Variants in BAIAP2 observed in about 807,000 individuals in gnomAD.
The protein encoded by BAIAP2 is BAR/IMD domain-containing adapter protein 2.
Under a neutral mutation model 63.0 loss-of-function variants are expected in BAIAP2, and 18 were observed. That is an observed-to-expected ratio of 0.29 (90% confidence interval 0.20 to 0.42). BAIAP2 has a LOEUF of 0.42. Ranked by LOEUF, BAIAP2 falls within the 10% of genes least tolerant of loss-of-function variation. The pLI is 1.00. For missense variants in BAIAP2, 610 were observed against 734.3 expected (o/e 0.83, Z 1.96); for synonymous variants, 386 against 307.6 (o/e 1.25, Z -2.67).
chr17:81,106,502 CA>C (rs144577290), intron 11 of BAIAP2, among the ~76,000 whole-genome samples: 1,700 of 152,286 alleles, frequency 0.011, 30 homozygotes, highest in African/African-American at 0.039. Flanking sequence ...CTGGGAGGGT[CA>C]GGGGTTGCTG....
chr17:81,097,784 C>G (rs903784842), intron 6 of BAIAP2: 2 of 238,918 alleles, frequency 8.4e-6, no homozygotes, highest in Non-Finnish European at 1.6e-5. Context: ...GCTGAAGCAG[C>G]TAGCCTCCTG....
rs1302680577 is a variant in BAIAP2, at chr17:81,107,000, G to A, written c.1500+93G>A. On this transcript the variant is annotated intron_variant, in intron 12 of 13. Coordinates refer to ENST00000428708, the MANE Select transcript of BAIAP2 (RefSeq NM_001144888.2). ...CGTTGGAGCCTCCGCTGAGGGGCGG[G>A]GCGCCTGGGGGTCTGGGTCTTTGGA... 8.6e-6 allele frequency: 12 copies of A among 1,388,936 alleles called. No homozygotes were observed. The Admixed American group carries it at 2.9e-4, about 33-fold the overall frequency. 86.0% of individuals were successfully genotyped at this position (1,388,936 alleles called of 1,614,324 possible).
Position 81,048,935 on chromosome 17 carries a change from G to A in BAIAP2, c.55-4733G>A, listed in dbSNP as rs138098297. On this transcript the variant is annotated intron_variant, in intron 1 of 13. Coordinates refer to ENST00000428708, the MANE Select transcript of BAIAP2 (RefSeq NM_001144888.2). ...CCTATGAGGGGAAGCCTTCCATGGC[G>A]TGTGTGGGAGCCCCTCGTGGGCCGG... 2.3e-3 allele frequency among the ~76,000 whole-genome samples: 354 copies of A among 152,332 alleles called. 1 individual carries two copies. The highest frequency in any genetic ancestry group is 7.8e-3 in the African/African-American group (325 of 41,570).
intron 1 of BAIAP2, among the ~76,000 whole-genome samples, chr17:81,037,743 G>A (rs565173011): frequency 2.6e-5 from 4 of 152,368 alleles, no homozygotes; most frequent in Admixed American, 2.0e-4. Context: ...AGTGTCACCC[G>A]CGATGCGGCT....
intron 1 of BAIAP2, among the ~76,000 whole-genome samples, chr17:81,039,114 C>T (rs1282096105): frequency 6.6e-6 from 1 of 152,272 alleles, no homozygotes; most frequent in Non-Finnish European, 1.5e-5. Flanking sequence ...CCTGCATTTT[C>T]TCTACATGTG....
intron 6 of BAIAP2, among the ~76,000 whole-genome samples, chr17:81,093,078 CCTGGGCTGGG>C (rs6146169): frequency 0.033 from 4,915 of 147,470 alleles, 191 homozygotes; most frequent in African/African-American, 0.09. Flanking sequence ...CCACCCACTC[CCTGGGCTGGG>C]CTGGGCTGGG....
chr17:81,050,394 C>G (rs1157601087), intron 1 of BAIAP2, among the ~76,000 whole-genome samples: 2 of 152,220 alleles, frequency 1.3e-5, no homozygotes, highest in Non-Finnish European at 2.9e-5. Context: ...CGTGTGAGCT[C>G]AGCTGCTGCA....
In BAIAP2 at chr17:81,066,507, C is replaced by T. The variant is rs959673198; in HGVS notation, c.217+8540C>T. ...CACCTGGGAGAGCTGGGGCCTGGGG[C>T]CCCCACAGGTCAGGTGGTGCCCCTC... On this transcript the variant is annotated intron_variant, in intron 3 of 13. Transcript: ENST00000428708. Among the ~76,000 whole-genome samples, 8 of 152,314 alleles carry T rather than the reference C, an allele frequency of 5.3e-5. No homozygotes were observed. The South Asian group carries it at 1.7e-3, about 32-fold the overall frequency.
At chr17:81,091,873 C>A (rs2056833263) in intron 6 of BAIAP2, among the ~76,000 whole-genome samples, 1 of 152,218 alleles carries the variant, frequency 6.6e-6, no homozygotes, top group African/African-American at 2.4e-5. Flanking sequence ...CCTGCATGTC[C>A]CTCACCTGGC....
chr17:81,084,551 C>T (rs1347975185), intron 3 of BAIAP2, among the ~76,000 whole-genome samples: 1 of 152,228 alleles, frequency 6.6e-6, no homozygotes, highest in African/African-American at 2.4e-5. Context: ...GTGAAGCACA[C>T]ACGGGCTCTT....
chr17:81,035,310 T>G lies in BAIAP2; in HGVS notation c.54+2T>G. On this transcript the variant is annotated splice_donor_variant, in intron 1 of 13. Transcript: ENST00000428708. LOFTEE classifies it high-confidence loss of function. ...CGGCTCACGGAAAATGTCTATAAGG[T>G]GAGCGCCCCCCGGCGCCGAGCTGAG... 6.9e-7 allele frequency: 1 copy of G among 1,457,612 alleles called. No individual in the cohort carries two copies. Among genetic ancestry groups the G allele is most frequent in the Non-Finnish European group, 9.1e-7 (1 of 1,094,426 alleles). The allele number at this position is 1,457,612 out of a possible 1,614,324, so 90.3% of individuals were successfully genotyped here.
intron 2 of BAIAP2, among the ~76,000 whole-genome samples, chr17:81,057,177 C>T (rs1226355103): frequency 2.0e-5 from 3 of 152,206 alleles, no homozygotes; most frequent in Non-Finnish European, 4.4e-5. Context: ...CAGGGCGGGG[C>T]TCCCTGTCAG....
intron 13 of BAIAP2, chr17:81,110,253 G>A (rs893471594): frequency 3.2e-5 from 28 of 881,444 alleles, no homozygotes; most frequent in East Asian, 1.5e-4. Context: ...GACGCGGACC[G>A]CGTGACATTA....
intron 3 of BAIAP2, among the ~76,000 whole-genome samples, chr17:81,060,845 G>A (rs34841611): frequency 0.17 from 26,517 of 152,120 alleles, 2,471 homozygotes; most frequent in Middle Eastern, 0.31. Flanking sequence ...CAACAGGGCC[G>A]GGCGCGGTGG....
chr17:81,071,349 T>C (rs1321530951), intron 3 of BAIAP2, among the ~76,000 whole-genome samples: 2 of 152,134 alleles, frequency 1.3e-5, no homozygotes. Flanking sequence ...CCATCTGTCC[T>C]TCCCCGTGAT....
chr17:81,062,890 C>T (rs2050817284), intron 3 of BAIAP2, among the ~76,000 whole-genome samples: 1 of 151,932 alleles, frequency 6.6e-6, no homozygotes, highest in Admixed American at 6.6e-5. Flanking sequence ...CACCTTGGTG[C>T]TGATTTTATG....
intron 1 of BAIAP2, among the ~76,000 whole-genome samples, chr17:81,047,919 C>T (rs1036182844): frequency 6.6e-6 from 1 of 152,256 alleles, no homozygotes; most frequent in Non-Finnish European, 1.5e-5. Context: ...TCCATATGCA[C>T]GCAGGCCCTA....
chr17:81,099,781 C>G (rs2058240500), intron 6 of BAIAP2, 147 bp from the exon 7 acceptor site: 1 of 903,626 alleles, frequency 1.1e-6, no homozygotes, highest in Non-Finnish European at 1.6e-6. Flanking sequence ...GTGGTTGTCT[C>G]CTGAGTGGCC....
At chr17:81,049,676 T>A (rs2048362256) in intron 1 of BAIAP2, among the ~76,000 whole-genome samples, 1 of 152,226 alleles carries the variant, frequency 6.6e-6, no homozygotes, top group Non-Finnish European at 1.5e-5. Context: ...AACAGAGTTC[T>A]TTCCACCTGG....
Sources: gnomAD v4.1 joint callset for allele counts (sites outside exome capture counted in the v4.1 genomes callset) on GRCh38, gnomAD v4.1.1 for gene constraint, MANE v1.5 for transcripts, NCBI Gene and HGNC (gene_info 2026-07-23, HGNC 2026-07-21) for gene names.